The following SP140L variants were observed in gnomAD, a reference collection of about 807,000 sequenced individuals.
SP140L encodes nuclear body protein SP140-like protein.
A neutral mutation model predicts 84.3 loss-of-function variants in SP140L; 64 were observed. The ratio of observed to expected loss-of-function variants is 0.76; its 90% CI spans 0.62 to 0.94. The LOEUF is 0.94. SP140L is among the 40% of genes least tolerant of loss of function. SP140L has a pLI of 0.00. For synonymous variants in SP140L, 242 were observed against 236.9 expected, an observed-to-expected ratio of 1.02 and a Z score of -0.20; for missense variants, 628 against 692.5, an observed-to-expected ratio of 0.91 and a Z score of 1.05.
chr2:230,382,276 G>A (rs578081452), intron 7 of SP140L, among the ~76,000 whole-genome samples: 22 of 151,816 alleles, frequency 1.4e-4, no homozygotes, highest in Non-Finnish European at 2.2e-4. Context: ...TGCCTGGTGC[G>A]GAGAGGCTGA....
In SP140L at chr2:230,388,628, C is replaced by T. The variant is rs764610925; in HGVS notation, c.854C>T (p.Ser285Leu). ...AGAGCTCCACAGAAAAGAGTCCGAT[C>T]AAGAGGTAAAAAAGAAAAGAGGAAT... is the stretch of plus-strand genomic sequence containing the variant. The part of the protein sequence containing the change: ...SDRAPQKRVR[S>L]RASRKHKDET... The change falls in exon 10 of 19, where the codon TCA (serine) becomes TTA (leucine). Residue 285 changes from serine (S) to leucine (L), a missense_variant. Coordinates refer to ENST00000415673, the MANE Select transcript of SP140L (RefSeq NM_138402.6). 11 of 1,605,666 alleles carry T rather than the reference C, an allele frequency of 6.9e-6. No individual in the cohort carries two copies. Among genetic ancestry groups the T allele is most frequent in the Non-Finnish European group, 6.8e-6 (8 of 1,176,742 alleles).
chr2:230,393,189 A>C (rs1207207244), intron 12 of SP140L, among the ~76,000 whole-genome samples: 1 of 152,230 alleles, frequency 6.6e-6, no homozygotes, highest in Non-Finnish European at 1.5e-5. Flanking sequence ...TTAGGAAAGA[A>C]GCACAAGAGA....
chr2:230,364,494 G>C (rs1462682962), intron 5 of SP140L, among the ~76,000 whole-genome samples: 1 of 151,992 alleles, frequency 6.6e-6, no homozygotes, highest in Non-Finnish European at 1.5e-5. Context: ...TGTTGATTTT[G>C]TATCCTGCAA....
intron 7 of SP140L, among the ~76,000 whole-genome samples, chr2:230,374,753 T>C (rs1367875145): frequency 1.3e-5 from 2 of 152,230 alleles, no homozygotes; most frequent in African/African-American, 4.8e-5. Flanking sequence ...GCTCAAATGA[T>C]TGTGAGCATT....
intron 5 of SP140L, among the ~76,000 whole-genome samples, chr2:230,361,957 T>A (rs1254657404): frequency 6.6e-6 from 1 of 152,166 alleles, no homozygotes; most frequent in African/African-American, 2.4e-5. Flanking sequence ...TTACAGATGC[T>A]AACTACCTAG....
chr2:230,378,114 G>A (rs1310566151), intron 7 of SP140L, among the ~76,000 whole-genome samples: 1 of 152,120 alleles, frequency 6.6e-6, no homozygotes, highest in African/African-American at 2.4e-5. Context: ...CTTGTTGAAA[G>A]TCAGTTGGCC....
chr2:230,402,755 A>C, intron 18 of SP140L, 43 bp from the exon 19 acceptor site: 1 of 1,461,018 alleles, frequency 6.8e-7, no homozygotes, highest in Non-Finnish European at 9.6e-7. Flanking sequence ...TAATGACACT[A>C]ATGATAAGGA....
intron 1 of SP140L, among the ~76,000 whole-genome samples, chr2:230,328,361 T>A (rs2059637827): frequency 6.6e-6 from 1 of 152,246 alleles, no homozygotes; most frequent in Admixed American, 6.5e-5. Context: ...GTATGAAGTA[T>A]GTTTTTGTAA....
intron 1 of SP140L, among the ~76,000 whole-genome samples, chr2:230,328,547 A>G (rs2059641800): frequency 6.6e-6 from 1 of 152,230 alleles, no homozygotes; most frequent in African/African-American, 2.4e-5. Flanking sequence ...TACATAGCAT[A>G]ATTTTTTAAC....
chr2:230,370,959 G>A lies in SP140L; in HGVS notation c.575G>A (p.Gly192Asp), dbSNP rs375107557. 230 of 1,613,506 alleles carry A rather than the reference G, an allele frequency of 1.4e-4. No homozygotes were observed. Among genetic ancestry groups the A allele is most frequent in the Non-Finnish European group, 1.9e-4 (226 of 1,179,720 alleles). ...EARKESDQAC[G>D]KMDTVDIANN... ...AGGAAGGAAAGTGACCAAGCATGTGGCAAAATGGGTAAGGCTGCCTGAGGG... is the reference window on the plus strand; with the variant it reads ...AGGAAGGAAAGTGACCAAGCATGTGACAAAATGGGTAAGGCTGCCTGAGGG... The change falls in exon 6 of 19, where the codon GGC (glycine) becomes GAC (aspartate). Residue 192 changes from glycine (G) to aspartate (D), a missense_variant. Physicochemically the swap from Gly to Asp is moderately conservative, Grantham distance 94. This residue lies in a region of SP140L where 525 missense variants were observed against 518.4 expected (regional missense o/e 1.01). Coordinates refer to ENST00000415673, the MANE Select transcript of SP140L (RefSeq NM_138402.6).
At chr2:230,401,597 T>C (rs1190689968) in intron 17 of SP140L, 67 bp from the exon 18 acceptor site, 1 of 1,066,734 alleles carries the variant, frequency 9.4e-7, no homozygotes, top group East Asian at 2.3e-5. Flanking sequence ...CTGGATTTTA[T>C]GGGAATCCAC....
At chr2:230,361,576 A>G in intron 4 of SP140L, 38 bp from the exon 5 acceptor site, 1 of 1,495,044 alleles carries the variant, frequency 6.7e-7, no homozygotes, top group Non-Finnish European at 9.1e-7. Flanking sequence ...TGGTTCTCAC[A>G]GATCTTTAAT....
chr2:230,370,023 C>T (rs576509034), intron 5 of SP140L, among the ~76,000 whole-genome samples: 7 of 147,954 alleles, frequency 4.7e-5, no homozygotes, highest in African/African-American at 1.9e-4. Context: ...TTGCCCACCT[C>T]AGCCTCCCAA....
chr2:230,384,883 G>T (rs1171952401), intron 8 of SP140L, among the ~76,000 whole-genome samples: 2 of 152,176 alleles, frequency 1.3e-5, no homozygotes, highest in Non-Finnish European at 2.9e-5. Context: ...CTGCACTCCA[G>T]TCTGGGAGGC....
At chr2:230,358,692 C>T (rs1439824356) in intron 3 of SP140L, among the ~76,000 whole-genome samples, 1 of 152,196 alleles carries the variant, frequency 6.6e-6, no homozygotes, top group East Asian at 1.9e-4. Flanking sequence ...TCTTAAAGAA[C>T]TTTGAGCCCA....
chr2:230,359,957 GTTTGGTATTGGTGCTATA>G (rs2060663247), intron 4 of SP140L, among the ~76,000 whole-genome samples: 3 of 152,118 alleles, frequency 2.0e-5, no homozygotes, highest in African/African-American at 7.3e-5. Flanking sequence ...CCAAACTAAA[GTTTGGTATTGGTGCTATA>G]CCAAACTAAA....
At chr2:230,368,217 T>A (rs187829071) in intron 5 of SP140L, among the ~76,000 whole-genome samples, 13 of 152,336 alleles carry the variant, frequency 8.5e-5, no homozygotes, top group African/African-American at 2.9e-4. Flanking sequence ...TACCTCTCCT[T>A]CATTTCTGAA....
Position 230,370,469 on chromosome 2 carries a change from A to G in SP140L, c.524-439A>G, listed in dbSNP as rs2061027812. On this transcript the variant is annotated intron_variant, in intron 5 of 18. Transcript: ENST00000415673. The stretch of plus-strand genomic sequence containing the variant: ...CTTTAGGCAGTGAGACCTGTGTCAC[A>G]CTTCTCACTGACATAACTGGAAGAT... Among the ~76,000 whole-genome samples, 3 of 152,214 alleles carry G rather than the reference A, an allele frequency of 2.0e-5. No individual in the cohort carries two copies. In the South Asian group the frequency reaches 6.2e-4, roughly 32 times the overall value.
chr2:230,378,401 G>T (rs994863871), intron 7 of SP140L, among the ~76,000 whole-genome samples: 2 of 152,198 alleles, frequency 1.3e-5, no homozygotes, highest in African/African-American at 4.8e-5. Context: ...TAGGCAGTCA[G>T]AAGGAGAAAG....
Sources: allele counts gnomAD v4.1 joint callset (sites outside exome capture counted in the v4.1 genomes callset), GRCh38; gene constraint gnomAD v4.1.1; regional missense constraint gnomAD v4.1.1; transcripts MANE v1.5; gene names NCBI Gene and HGNC (gene_info 2026-07-23, HGNC 2026-07-21).